Variants in SFXN1 observed in about 807,000 individuals in gnomAD.
The protein encoded by SFXN1 is sideroflexin-1.
Under a neutral mutation model 39.5 loss-of-function variants are expected in SFXN1, and 32 were observed. That is an observed-to-expected ratio of 0.81 (90% confidence interval 0.61 to 1.09). The LOEUF is 1.09. SFXN1 is among the 50% of genes least tolerant of loss of function. The pLI is 0.00. For synonymous variants in SFXN1, 136 were observed against 146.5 expected (o/e 0.93, Z 0.52); for missense variants, 402 against 407.1 (o/e 0.99, Z 0.11).
At chr5:175,479,624 T>C (rs1759154825) in intron 1 of SFXN1, among the ~76,000 whole-genome samples, 1 of 152,302 alleles carries the variant, frequency 6.6e-6, no homozygotes, top group Non-Finnish European at 1.5e-5. Flanking sequence ...GGGCCTATTT[T>C]GTGTTGCTCA....
At chr5:175,524,118 AAAAAAAAAT>A (rs1376006906) in intron 10 of SFXN1, 4 of 66,584 alleles carry the variant, frequency 6.0e-5, no homozygotes, top group Admixed American at 1.8e-4. Flanking sequence ...AAAAAAAAAA[AAAAAAAAAT>A]ATATATATAT....
chr5:175,527,380 T>C lies in SFXN1; in HGVS notation c.*646T>C, dbSNP rs1489616044. On this transcript the variant is annotated 3_prime_UTR_variant, in exon 11 of 11. Coordinates refer to ENST00000321442, the MANE Select transcript of SFXN1 (RefSeq NM_022754.7). ...TGCTGGATCATTATATACATTCAGA[T>C]TGTGAGTGGATTGCCTTGGTTGACT... is the stretch of plus-strand genomic sequence containing the variant. The C allele has an allele frequency of 6.6e-6, 1 of 152,212 alleles. No homozygotes were observed. The highest frequency in any genetic ancestry group is 1.5e-5 in the Non-Finnish European group (1 of 68,030). The allele number at this position is 152,212 out of a possible 1,614,324, so 9.4% of individuals were successfully genotyped here.
rs114197746 is a variant in SFXN1 at position 175,511,029 on chromosome 5, C to T, written c.435-422C>T. 4.5e-3 allele frequency among the ~76,000 whole-genome samples: 686 copies of T among 152,280 alleles called. 5 individuals carry two copies. The highest frequency in any genetic ancestry group is 6.5e-3 in the Non-Finnish European group (443 of 68,028). ...TATCATTTTTTAAATGGCAGCACTTCATTTTTGCTTTCAGTGTGTATATTA... is the reference window on the plus strand; with the variant it reads ...TATCATTTTTTAAATGGCAGCACTTTATTTTTGCTTTCAGTGTGTATATTA... On this transcript the variant is annotated intron_variant, in intron 4 of 10. Transcript: ENST00000321442.
rs1760743518 is a variant in SFXN1, at chr5:175,517,387, C to A, written c.774+724C>A. 2.0e-5 allele frequency among the ~76,000 whole-genome samples: 3 copies of A among 152,156 alleles called. No individual in the cohort carries two copies. The South Asian group carries it at 6.2e-4, about 32-fold the overall frequency. On this transcript the variant is annotated intron_variant, in intron 8 of 10. Coordinates refer to ENST00000321442, the MANE Select transcript of SFXN1 (RefSeq NM_022754.7). ...TCTTCCCACCGAAGCCCCCTACCTG[C>A]CCCACGCCCCACATGGAAGGGCCCA... is the stretch of plus-strand genomic sequence containing the variant.
chr5:175,486,618 A>G (rs1759461098), intron 1 of SFXN1, among the ~76,000 whole-genome samples: 1 of 152,094 alleles, frequency 6.6e-6, no homozygotes, highest in African/African-American at 2.4e-5. Flanking sequence ...AAAAATTTAA[A>G]AAAACAGAAA....
Position 175,485,035 on chromosome 5 carries a change from C to T in SFXN1, c.-10+6396C>T, listed in dbSNP as rs180728160. Among the ~76,000 whole-genome samples the T allele has an allele frequency of 1.3e-3, 193 of 152,248 alleles. 2 individuals are homozygous for T. Among genetic ancestry groups the T allele is most frequent in the East Asian group, 4.0e-3 (21 of 5,186 alleles). ...CTTGCCTAATTGAAACATGGCATCA[C>T]GGTTAATAATTAAAATGTTATCTGA... On this transcript the variant is annotated intron_variant, in intron 1 of 10. Coordinates refer to ENST00000321442, the MANE Select transcript of SFXN1 (RefSeq NM_022754.7).
intron 1 of SFXN1, among the ~76,000 whole-genome samples, chr5:175,487,486 T>C (rs901610438): frequency 9.9e-5 from 15 of 152,164 alleles, no homozygotes; most frequent in Non-Finnish European, 2.9e-5. Context: ...GGGCTACCAA[T>C]AGATTTACCT....
rs1581309235 is a variant in SFXN1, at chr5:175,510,347, C to A, written c.434+140C>A. 3 of 664,350 alleles carry A rather than the reference C, an allele frequency of 4.5e-6. No homozygotes were observed. The East Asian group carries it at 8.8e-5, about 19-fold the overall frequency. The allele number at this position is 664,350 out of a possible 1,614,324, so 41.2% of individuals were successfully genotyped here. A position where few individuals can be genotyped will look rare whatever the true frequency, so the allele number is the denominator to read the frequency against. ...TATTATGTAGCATCCTTTTTTGTAGCTTTTTTCTTTTTTAAAGTAAAGTGT... is the reference window on the plus strand; with the variant it reads ...TATTATGTAGCATCCTTTTTTGTAGATTTTTTCTTTTTTAAAGTAAAGTGT... On this transcript the variant is annotated intron_variant, in intron 4 of 10. Coordinates refer to ENST00000321442, the MANE Select transcript of SFXN1 (RefSeq NM_022754.7).
At chr5:175,502,153 G>A (rs1817937) in intron 2 of SFXN1, among the ~76,000 whole-genome samples, 8,334 of 152,208 alleles carry the variant, frequency 0.055, 752 homozygotes, top group African/African-American at 0.19. Context: ...GATCCAAAGT[G>A]CAAAATATCT....
intron 4 of SFXN1, 128 bp downstream of exon 4, chr5:175,510,335 C>T (rs1028407082): frequency 1.1e-5 from 8 of 705,972 alleles, no homozygotes; most frequent in South Asian, 2.1e-5. Context: ...TATGTAGCAT[C>T]CTTTTTTGTA....
chr5:175,521,821 C>A, intron 8 of SFXN1, 98 bp from the exon 9 acceptor site: 1 of 952,086 alleles, frequency 1.1e-6, no homozygotes, highest in Non-Finnish European at 1.6e-6. Flanking sequence ...CTATCTGAAT[C>A]TTGAAATGTG....
intron 6 of SFXN1, 117 bp downstream of exon 6, chr5:175,512,313 T>C: frequency 1.1e-6 from 1 of 881,926 alleles, no homozygotes; most frequent in Non-Finnish European, 1.7e-6. Context: ...TGAAATTATA[T>C]GAGATCTTGG....
intron 6 of SFXN1, among the ~76,000 whole-genome samples, chr5:175,512,757 A>G (rs982067769): frequency 1.3e-5 from 2 of 152,204 alleles, no homozygotes; most frequent in African/African-American, 2.4e-5. Flanking sequence ...AATATACAGT[A>G]GGGCCATGTG....
intron 6 of SFXN1, among the ~76,000 whole-genome samples, chr5:175,512,973 C>G (rs944981795): frequency 5.3e-5 from 8 of 152,030 alleles, no homozygotes; most frequent in Admixed American, 3.3e-4. Flanking sequence ...TTATTTCTAT[C>G]AAAGGAGGAT....
At chr5:175,504,464 A>G (rs939620950) in intron 2 of SFXN1, among the ~76,000 whole-genome samples, 2 of 151,606 alleles carry the variant, frequency 1.3e-5, no homozygotes, top group Non-Finnish European at 2.9e-5. Flanking sequence ...AGTCGCAGGT[A>G]CTCCAGAGGC....
intron 2 of SFXN1, 81 bp downstream of exon 2, chr5:175,492,348 G>T: frequency 9.4e-6 from 11 of 1,169,620 alleles, no homozygotes; most frequent in Admixed American, 3.6e-5. Context: ...TTCACTTAGT[G>T]ATTTTACAAC....
chr5:175,515,971 G>A (rs2113348043), intron 7 of SFXN1, among the ~76,000 whole-genome samples: 1 of 152,296 alleles, frequency 6.6e-6, no homozygotes, highest in South Asian at 2.1e-4. Context: ...CTCATAAGGA[G>A]CGGGCAACCT....
In SFXN1 at chr5:175,496,132, A is replaced by C. The variant is rs1416112276; in HGVS notation, c.164+3865A>C. ...AGACTGGTCTCAAACTCCTGACCTC[A>C]AGTGATCCGCCCTCCTCAGCCTCCC... On this transcript the variant is annotated intron_variant, in intron 2 of 10. Coordinates refer to ENST00000321442, the MANE Select transcript of SFXN1 (RefSeq NM_022754.7). Among the ~76,000 whole-genome samples, 4 of 152,168 alleles carry C rather than the reference A, an allele frequency of 2.6e-5. No individual in the cohort carries two copies. In the East Asian group the frequency reaches 7.8e-4, roughly 30 times the overall value.
chr5:175,491,993 G>A (rs1403285031), intron 1 of SFXN1, 102 bp from the exon 2 acceptor site: 24 of 743,088 alleles, frequency 3.2e-5, no homozygotes, highest in Non-Finnish European at 5.1e-5. Flanking sequence ...AATAGGAAGA[G>A]TATGTACATA....
Sources: allele counts gnomAD v4.1 joint callset (sites outside exome capture counted in the v4.1 genomes callset), GRCh38; gene constraint gnomAD v4.1.1; transcripts MANE v1.5; gene names NCBI Gene and HGNC (gene_info 2026-07-23, HGNC 2026-07-21).